The following HERC6 variants were observed in gnomAD, a reference collection of about 807,000 sequenced individuals.
HERC6 encodes the protein HECT and RLD domain containing E3 ubiquitin protein ligase family member 6.
HERC6 carries 101 observed loss-of-function variants against 114.5 expected under a neutral mutation model. That is an observed-to-expected ratio of 0.88 (90% CI 0.75 to 1.04). The LOEUF (loss-of-function observed/expected upper bound fraction) is 1.04. Among genes scored for constraint, HERC6 ranks in the 50% least tolerant of loss-of-function variants. HERC6 has a pLI of 0.00. For synonymous variants in HERC6, 408 were observed against 436.2 expected (o/e 0.94, Z 0.81); for missense variants, 1,133 against 1,230.9 (o/e 0.92, Z 1.19).
intron 16 of HERC6, among the ~76,000 whole-genome samples, 193 bp from the exon 17 acceptor site, chr4:88,430,969 T>G (rs1738136801): frequency 6.6e-6 from 1 of 152,180 alleles, no homozygotes; most frequent in African/African-American, 2.4e-5. Flanking sequence ...CACAACAATC[T>G]GAGAATAAAT....
chr4:88,417,571 C>A lies in HERC6; in HGVS notation c.1705C>A (p.Leu569Met). 6.2e-7 allele frequency: 1 copy of A among 1,612,502 alleles called. No individual in the cohort carries two copies. The highest frequency in any genetic ancestry group is 8.5e-7 in the Non-Finnish European group (1 of 1,179,210). ...AGCTCTTTTAGGAATGATGAAAGAA[C>A]TGCATAAGGTAAGGGTTACTCTAAA... Reference protein sequence around the residue: ...VKALLGMMKELHKVNKANCRL... With the variant: ...VKALLGMMKEMHKVNKANCRL... Residue 569 changes from leucine (L) to methionine (M), a missense_variant, in exon 13 of 23, where the codon CTG becomes ATG. Leu to Met is a conservative substitution (Grantham distance 15). Transcript: ENST00000264346.
In HERC6 at chr4:88,383,315, A is replaced by G; in HGVS notation, c.294A>G (p.Ala98=). The change falls in exon 2 of 23, where the codon GCA becomes GCG. Residue 98 remains alanine, a synonymous_variant. Coordinates refer to ENST00000264346, the MANE Select transcript of HERC6 (RefSeq NM_017912.4). The stretch of plus-strand genomic sequence containing the variant: ...TGTGCCACAAAGGAAGGGTCTTCGC[A>G]TGGGGAGCTGGTTCTGAAGGGCAGC... The part of the protein sequence containing the change: ...LAVCHKGRVF[A]WGAGSEGQLG... 6.3e-7 allele frequency: 1 copy of G among 1,575,092 alleles called. No homozygotes were observed. Among genetic ancestry groups the G allele is most frequent in the Non-Finnish European group, 8.6e-7 (1 of 1,160,826 alleles).
At chr4:88,390,955 CTT>C (rs1734889976) in intron 4 of HERC6, 76 bp downstream of exon 4, 1 of 1,217,550 alleles carries the variant, frequency 8.2e-7, no homozygotes, top group Non-Finnish European at 1.1e-6. Context: ...AAAGGGCAGT[CTT>C]AACGCTTAAA....
Position 88,379,105 on chromosome 4 carries a change from C to T in HERC6, c.184C>T (p.Arg62Cys), listed in dbSNP as rs1381886015. Residue 62 changes from arginine to cysteine, a missense_variant, in exon 1 of 23, where the codon CGC becomes TGC. Physicochemically the swap from Arg to Cys is radical, Grantham distance 180. Around this residue, in one of 3 missense-constraint regions of HERC6, gnomAD observed 735 missense variants for 754.0 expected, o/e 0.97. Transcript: ENST00000264346. ...TCAGCTGGGCCGCAGGGGCGCGCAG[C>T]GCGGGGAGCTGCCAGGTGAGCGGGG... ...RGQLGRRGAQ[R>C]GELPEPIQAL... 1.3e-6 allele frequency: 2 copies of T among 1,542,562 alleles called. No individual in the cohort carries two copies. The highest frequency in any genetic ancestry group is 1.7e-6 in the Non-Finnish European group (2 of 1,145,728).
Position 88,396,960 on chromosome 4 carries a change from G to A in HERC6, c.997G>A (p.Asp333Asn). 3.7e-6 allele frequency: 6 copies of A among 1,612,302 alleles called. No individual in the cohort carries two copies. Among genetic ancestry groups the A allele is most frequent in the Non-Finnish European group, 4.2e-6 (5 of 1,179,022 alleles). ...TCCGGAGGCCCTGACAGAGAACTTT[G>A]ACATTAGCTGCCTGATTTCTGCTGA... ...THPEALTENF[D>N]ISCLISAEDF... The change falls in exon 7 of 23, where the codon GAC (aspartate) becomes AAC (asparagine). Residue 333 changes from aspartate to asparagine, a missense_variant. Asp to Asn is a conservative substitution (Grantham distance 23). Transcript: ENST00000264346.
chr4:88,410,497 T>C (rs1468925287), intron 11 of HERC6, among the ~76,000 whole-genome samples: 1 of 152,150 alleles, frequency 6.6e-6, no homozygotes, highest in Non-Finnish European at 1.5e-5. Flanking sequence ...TATTTTCCTT[T>C]CACAGCAAAA....
At position 88,398,197 on chromosome 4, in the gene HERC6, G is replaced by C; in HGVS notation, c.1080G>C (p.Val360=). ...TTGCTGGAACATATGCCAACTTTGT[G>C]ACAACTCATCAGGTATCTATTATAC... The part of the protein sequence containing the change: ...HIFAGTYANF[V]TTHQDTSSTR... The change falls in exon 8 of 23, where the codon GTG becomes GTC. Residue 360 remains valine, a synonymous_variant. Transcript: ENST00000264346. The C allele has an allele frequency of 1.3e-6, 2 of 1,590,996 alleles. No homozygotes were observed. The highest frequency in any genetic ancestry group is 1.7e-6 in the Non-Finnish European group (2 of 1,168,712).
intron 18 of HERC6, among the ~76,000 whole-genome samples, chr4:88,436,128 T>C (rs1019578506): frequency 3.3e-5 from 5 of 152,198 alleles, no homozygotes; most frequent in Non-Finnish European, 7.3e-5. Context: ...CCTGGTCTCT[T>C]GACTTTATCC....
At chr4:88,438,915 T>C (rs1263991672) in intron 20 of HERC6, among the ~76,000 whole-genome samples, 2 of 152,168 alleles carry the variant, frequency 1.3e-5, no homozygotes, top group African/African-American at 4.8e-5. Flanking sequence ...GCCCAAAGTG[T>C]GGGAGACAAT....
chr4:88,440,026 A>C lies in HERC6; in HGVS notation c.2708A>C (p.Asn903Thr). The change falls in exon 21 of 23, where the codon AAT becomes ACT. Residue 903 changes from asparagine to threonine, a missense_variant. Transcript: ENST00000264346. ...PEELMTAIIG[N>T]TDYDWKQFEQ... Reference sequence around the variant, plus strand: ...GAACTAATGACAGCAATCATTGGAAATACTGATTATGACTGGAAACAGTTT... The same window carrying C: ...GAACTAATGACAGCAATCATTGGAACTACTGATTATGACTGGAAACAGTTT... 3 of 1,610,736 alleles carry C rather than the reference A, an allele frequency of 1.9e-6. No homozygotes were observed. Among genetic ancestry groups the C allele is most frequent in the Non-Finnish European group, 2.5e-6 (3 of 1,179,042 alleles).
At chr4:88,421,096 C>G (rs1737001219) in intron 13 of HERC6, among the ~76,000 whole-genome samples, 7 of 152,148 alleles carry the variant, frequency 4.6e-5, no homozygotes, top group Admixed American at 4.6e-4. Flanking sequence ...CAAGGTTCAT[C>G]TATGTTGGAG....
At chr4:88,396,230 C>T (rs1735223234) in intron 6 of HERC6, 88 bp downstream of exon 6, 1 of 1,143,448 alleles carries the variant, frequency 8.7e-7, no homozygotes, top group East Asian at 2.9e-5. Flanking sequence ...GGAATGTTAT[C>T]AAACCTTAAA....
intron 1 of HERC6, among the ~76,000 whole-genome samples, chr4:88,380,674 G>T (rs1463532016): frequency 1.3e-5 from 2 of 149,536 alleles, no homozygotes; most frequent in South Asian, 4.2e-4. Context: ...CCGAAATCGC[G>T]ACACTGCACT....
intron 3 of HERC6, among the ~76,000 whole-genome samples, chr4:88,390,237 G>A (rs1346051619): frequency 1.3e-5 from 2 of 150,340 alleles, no homozygotes; most frequent in African/African-American, 4.9e-5. Flanking sequence ...GAGTAGAAAG[G>A]TAGTTGCCAG....
intron 13 of HERC6, among the ~76,000 whole-genome samples, chr4:88,418,156 G>C (rs918471214): frequency 6.6e-6 from 1 of 152,114 alleles, no homozygotes; most frequent in African/African-American, 2.4e-5. Flanking sequence ...AGGGCAATTG[G>C]TTTGGAAGGA....
At chr4:88,404,774 A>C (rs775782299) in intron 8 of HERC6, 102 bp from the exon 9 acceptor site, 3 of 1,402,298 alleles carry the variant, frequency 2.1e-6, no homozygotes, top group Non-Finnish European at 2.9e-6. Flanking sequence ...ACCACCCAAG[A>C]GGGCAGGGCC....
At chr4:88,405,318 A>G (rs562488885) in intron 9 of HERC6, among the ~76,000 whole-genome samples, 1 of 152,216 alleles carries the variant, frequency 6.6e-6, no homozygotes, top group Non-Finnish European at 1.5e-5. Context: ...TGGTCTTCAC[A>G]GGGATAGGTT....
intron 8 of HERC6, chr4:88,398,480 C>T: frequency 3.7e-6 from 1 of 271,348 alleles, no homozygotes; most frequent in Non-Finnish European, 6.8e-6. Context: ...CATGTAAATG[C>T]ACATACACAT....
At chr4:88,410,741 C>G (rs1050873565) in intron 11 of HERC6, among the ~76,000 whole-genome samples, 5 of 152,118 alleles carry the variant, frequency 3.3e-5, no homozygotes, top group Admixed American at 6.5e-5. Flanking sequence ...GCTCCCTGAA[C>G]AGCTAGGGAT....
Sources: allele counts gnomAD v4.1 joint callset (sites outside exome capture counted in the v4.1 genomes callset), GRCh38; gene constraint gnomAD v4.1.1; regional missense constraint gnomAD v4.1.1; transcripts MANE v1.5; gene names NCBI Gene and HGNC (gene_info 2026-07-23, HGNC 2026-07-21).